The following DLGAP2 variants were observed in gnomAD, a reference collection of about 807,000 sequenced individuals.
DLGAP2 encodes DLG associated protein 2, also known as disks large-associated protein 2.
DLGAP2 carries 26 observed loss-of-function variants against 100.3 expected under a neutral mutation model. That is an observed-to-expected ratio of 0.26 (90% CI 0.19 to 0.36). DLGAP2 has a LOEUF of 0.36. Ranked by LOEUF, DLGAP2 falls within the 10% of genes least tolerant of loss-of-function variation. The pLI, the probability that DLGAP2 is intolerant of heterozygous loss-of-function variation, is 1.00. For missense variants in DLGAP2, 1,858 were observed against 1,453.2 expected (o/e 1.28, Z -4.53); for synonymous variants, 886 against 630.1 (o/e 1.41, Z -6.08).
chr8:1,059,059 C>G (rs530339156), intron 2 of DLGAP2, among the ~76,000 whole-genome samples: 2 of 152,034 alleles, frequency 1.3e-5, no homozygotes. Context: ...AGGGCTCCCC[C>G]CATGTGTCCA....
At chr8:863,354 T>C (rs1797428530) in intron 1 of DLGAP2, among the ~76,000 whole-genome samples, 5 of 152,170 alleles carry the variant, frequency 3.3e-5, no homozygotes, top group Non-Finnish European at 5.9e-5. Context: ...ACAACAAATA[T>C]TGATGACATC....
At chr8:1,303,150 C>G (rs1800399838) in intron 3 of DLGAP2, among the ~76,000 whole-genome samples, 1 of 152,186 alleles carries the variant, frequency 6.6e-6, no homozygotes, top group Non-Finnish European at 1.5e-5. Context: ...GTAATCCCAG[C>G]ACTTTGGAAG....
intron 2 of DLGAP2, among the ~76,000 whole-genome samples, chr8:1,066,904 G>A (rs535018187): frequency 6.6e-6 from 1 of 152,336 alleles, no homozygotes; most frequent in East Asian, 1.9e-4. Flanking sequence ...CAGAGCCCAC[G>A]ATACCCATTG....
chr8:1,177,914 C>T (rs1797295975), intron 2 of DLGAP2, among the ~76,000 whole-genome samples: 1 of 152,192 alleles, frequency 6.6e-6, no homozygotes. Context: ...AGATGCATTC[C>T]GGCCAGCAAA....
rs1302961596 is a variant in DLGAP2 at position 857,593 on chromosome 8, A to T, written c.19-50319A>T. Among the ~76,000 whole-genome samples the T allele has an allele frequency of 2.6e-5, 4 of 152,222 alleles. No individual in the cohort carries two copies. The East Asian group carries it at 7.7e-4, about 29-fold the overall frequency. On this transcript the variant is annotated intron_variant, in intron 1 of 14. Coordinates refer to ENST00000637795, the MANE Select transcript of DLGAP2 (RefSeq NM_001346810.2). ...GAAAAGATACTCCATGTCATGTGTC[A>T]TCAGGGAAATGAAAAATAAAACAGC... is the stretch of plus-strand genomic sequence containing the variant.
intron 1 of DLGAP2, among the ~76,000 whole-genome samples, chr8:813,220 G>C (rs1055148809): frequency 6.6e-6 from 1 of 151,394 alleles, no homozygotes; most frequent in Non-Finnish European, 1.5e-5. Context: ...TACAGTTTCT[G>C]TTATCTCGTG....
chr8:1,352,408 C>T (rs1483940426), intron 3 of DLGAP2, among the ~76,000 whole-genome samples: 8 of 152,120 alleles, frequency 5.3e-5, no homozygotes, highest in Non-Finnish European at 7.3e-5. Flanking sequence ...CTCTCCCCAG[C>T]GACTCTCCCT....
Position 1,211,829 on chromosome 8 carries a change from C to T in DLGAP2, c.74-47022C>T, listed in dbSNP as rs533178325. On this transcript the variant is annotated intron_variant, in intron 2 of 14. Coordinates refer to ENST00000637795, the MANE Select transcript of DLGAP2 (RefSeq NM_001346810.2). ...GGTGGAGGTTGCAGTGAGCCGATAT[C>T]GTGCCATTGCACTCCAGCCTGGATG... 5.9e-5 allele frequency among the ~76,000 whole-genome samples: 9 copies of T among 152,296 alleles called. No homozygotes were observed. In the East Asian group the frequency reaches 7.7e-4, roughly 13 times the overall value.
intron 3 of DLGAP2, among the ~76,000 whole-genome samples, chr8:1,299,270 C>G (rs764065563): frequency 3.3e-5 from 5 of 152,338 alleles, no homozygotes; most frequent in East Asian, 1.9e-4. Flanking sequence ...GGCCCCCACC[C>G]GAGGCCACCC....
At chr8:927,883 A>G (rs1210570187) in intron 2 of DLGAP2, among the ~76,000 whole-genome samples, 3 of 151,908 alleles carry the variant, frequency 2.0e-5, no homozygotes, top group African/African-American at 7.3e-5. Context: ...AAACCCCACA[A>G]AGGACCAGCA....
chr8:1,656,784 T>C (rs1195294326), intron 8 of DLGAP2, among the ~76,000 whole-genome samples: 6 of 152,204 alleles, frequency 3.9e-5, no homozygotes, highest in African/African-American at 1.4e-4. Context: ...GATTAACCTT[T>C]TCTTCGTGCC....
At chr8:1,554,130 A>G (rs573393269) in intron 5 of DLGAP2, among the ~76,000 whole-genome samples, 37 of 152,208 alleles carry the variant, frequency 2.4e-4, no homozygotes, top group Admixed American at 1.8e-3. Context: ...TCTACTAAAA[A>G]TACAAAAACT....
intron 3 of DLGAP2, among the ~76,000 whole-genome samples, chr8:1,434,630 C>T (rs1797563619): frequency 6.6e-6 from 1 of 152,164 alleles, no homozygotes; most frequent in African/African-American, 2.4e-5. Flanking sequence ...GCGTGCGCCA[C>T]CACACCAGGC....
intron 3 of DLGAP2, among the ~76,000 whole-genome samples, chr8:1,448,620 C>G (rs1471142902): frequency 1.3e-5 from 2 of 152,270 alleles, no homozygotes; most frequent in Non-Finnish European, 1.5e-5. Context: ...CTTATGTACT[C>G]AAACAAACAC....
chr8:1,097,940 T>C (rs1373319457), intron 2 of DLGAP2, among the ~76,000 whole-genome samples: 1 of 152,260 alleles, frequency 6.6e-6, no homozygotes, highest in African/African-American at 2.4e-5. Context: ...GGCAGGCTTT[T>C]GCACCATGTT....
At chr8:1,287,152 G>GTC (rs1799940283) in intron 3 of DLGAP2, among the ~76,000 whole-genome samples, 1 of 129,478 alleles carries the variant, frequency 7.7e-6, no homozygotes, top group Non-Finnish European at 1.7e-5. Context: ...GTGTGTGTGT[G>GTC]TGTGTGCGCG....
chr8:1,525,001 C>G (rs1354014663), intron 4 of DLGAP2, among the ~76,000 whole-genome samples: 1 of 152,110 alleles, frequency 6.6e-6, no homozygotes, highest in African/African-American at 2.4e-5. Context: ...GATGGCGGAG[C>G]AGCCAATCCT....
At chr8:787,908 T>A (rs1433903687) in intron 1 of DLGAP2, among the ~76,000 whole-genome samples, 1 of 152,152 alleles carries the variant, frequency 6.6e-6, no homozygotes, top group African/African-American at 2.4e-5. Context: ...TTCACCAAAT[T>A]GATTAAAACC....
chr8:778,947 C>A (rs1821608909), intron 1 of DLGAP2, among the ~76,000 whole-genome samples: 1 of 152,258 alleles, frequency 6.6e-6, no homozygotes, highest in Non-Finnish European at 1.5e-5. Context: ...AGCCTCGCTG[C>A]CACCTTGCAG....
Sources: gnomAD v4.1 joint callset for allele counts (sites outside exome capture counted in the v4.1 genomes callset) on GRCh38, gnomAD v4.1.1 for gene constraint, MANE v1.5 for transcripts, NCBI Gene and HGNC (gene_info 2026-07-23, HGNC 2026-07-21) for gene names.